The following ACOT12 variants were observed in gnomAD, a reference collection of about 807,000 sequenced individuals.
The protein encoded by ACOT12 is acyl-CoA thioesterase 12, also known as acetyl-coenzyme A thioesterase.
A neutral mutation model predicts 67.7 loss-of-function variants in ACOT12; 51 were observed. The ratio of observed to expected loss-of-function variants is 0.75; its 90% CI spans 0.60 to 0.95. The LOEUF is 0.95. ACOT12 is among the 40% of genes least tolerant of loss of function. ACOT12 has a pLI of 0.00. For synonymous variants in ACOT12, 251 were observed against 244.6 expected, an observed-to-expected ratio of 1.03 and a Z score of -0.24; for missense variants, 734 against 708.1, an observed-to-expected ratio of 1.04 and a Z score of -0.41.
At chr5:81,350,397 A>G (rs1246207079) in intron 5 of ACOT12, among the ~76,000 whole-genome samples, 2 of 152,112 alleles carry the variant, frequency 1.3e-5, no homozygotes, top group African/African-American at 4.8e-5. Flanking sequence ...ATTTCTTAAA[A>G]CATATTAAGC....
At chr5:81,321,543 A>T in the ACOT12 span, among the ~76,000 whole-genome samples, 25 of 152,208 alleles carry the variant, frequency 1.6e-4, no homozygotes, top group Non-Finnish European at 2.8e-4. Context: ...GAGATTGTTT[A>T]AAAAAACAAA....
intron 5 of ACOT12, among the ~76,000 whole-genome samples, chr5:81,348,827 G>A (rs1254604206): frequency 6.6e-6 from 1 of 152,246 alleles, no homozygotes; most frequent in Admixed American, 6.5e-5. Flanking sequence ...GCCTCCCAAA[G>A]TGCTGGGAAT....
the ACOT12 span, among the ~76,000 whole-genome samples, chr5:81,315,149 G>T: frequency 6.6e-6 from 1 of 152,182 alleles, no homozygotes; most frequent in East Asian, 1.9e-4. Context: ...GTTCCTACTG[G>T]GATGCTCCAC....
At chr5:81,352,847 T>G (rs1759594589) in intron 5 of ACOT12, among the ~76,000 whole-genome samples, 1 of 152,192 alleles carries the variant, frequency 6.6e-6, no homozygotes, top group Non-Finnish European at 1.5e-5. Flanking sequence ...ATGTATCCCA[T>G]AAATATATAC....
chr5:81,331,827 G>T lies in ACOT12; in HGVS notation c.1391+650C>A, dbSNP rs537089861. 2.6e-5 allele frequency among the ~76,000 whole-genome samples: 4 copies of T among 152,284 alleles called. No homozygotes were observed. The East Asian group carries it at 7.7e-4, about 29-fold the overall frequency. On this transcript the variant is annotated intron_variant, in intron 13 of 14. Transcript: ENST00000307624. ...CATTTAGCAATAAATCTTTGAAGGT[G>T]TTTCTCTATCAGTCCCACTATAGCT... is the stretch of plus-strand genomic sequence containing the variant.
intron 12 of ACOT12, among the ~76,000 whole-genome samples, chr5:81,333,774 G>A (rs1758905466): frequency 1.3e-5 from 2 of 152,306 alleles, no homozygotes; most frequent in Middle Eastern, 3.4e-3. Flanking sequence ...TGATACAGGA[G>A]GTGGGCAGGG....
chr5:81,374,398 A>G (rs762985143), intron 2 of ACOT12, among the ~76,000 whole-genome samples: 2 of 152,220 alleles, frequency 1.3e-5, no homozygotes, highest in Non-Finnish European at 2.9e-5. Flanking sequence ...CAGCGCAAAA[A>G]GGCTGAAAAT....
intron 3 of ACOT12, among the ~76,000 whole-genome samples, chr5:81,366,873 GAAGA>G (rs1390411427): frequency 1.3e-5 from 2 of 152,034 alleles, no homozygotes; most frequent in Non-Finnish European, 2.9e-5. Context: ...AAGACTGAAA[GAAGA>G]AAAACGAACA....
intron 3 of ACOT12, among the ~76,000 whole-genome samples, chr5:81,370,740 T>C (rs142283839): frequency 6.6e-6 from 1 of 152,304 alleles, no homozygotes; most frequent in African/African-American, 2.4e-5. Context: ...CGTGGGACAC[T>C]ACTTTTCTGT....
intron 3 of ACOT12, among the ~76,000 whole-genome samples, chr5:81,366,900 C>T (rs907402993): frequency 1.3e-5 from 2 of 151,974 alleles, no homozygotes; most frequent in African/African-American, 2.4e-5. Flanking sequence ...ATCAGTGACC[C>T]GTGGAACACT....
Position 81,347,867 on chromosome 5 carries a change from T to A in ACOT12, c.560A>T (p.Glu187Val). The stretch of plus-strand genomic sequence containing the variant: ...GTTTGCATGGGGTGGGAGGACCAGT[T>A]CAATGCTCTGAACGGAGGTGCCCCT... ...STRGTSVQSI[E>V]LVLPPHANHH... Residue 187 changes from glutamate (E) to valine (V), a missense_variant, in exon 6 of 15, where the codon GAA (glutamate) becomes GTA (valine). By Grantham distance (121) the Glu-to-Val change is moderately radical (BLOSUM62 -2). Coordinates refer to ENST00000307624, the MANE Select transcript of ACOT12 (RefSeq NM_130767.3). 6.2e-7 allele frequency: 1 copy of A among 1,614,168 alleles called. No homozygotes were observed. Among genetic ancestry groups the A allele is most frequent in the East Asian group, 2.2e-5 (1 of 44,874 alleles).
At chr5:81,359,679 A>G (rs763107569) in intron 5 of ACOT12, among the ~76,000 whole-genome samples, 31 of 151,972 alleles carry the variant, frequency 2.0e-4, no homozygotes, top group Non-Finnish European at 4.1e-4. Flanking sequence ...CTTTTTCCCC[A>G]TCTCCTTTCC....
intron 1 of ACOT12, among the ~76,000 whole-genome samples, chr5:81,388,001 T>G (rs1293251626): frequency 6.6e-6 from 1 of 152,228 alleles, no homozygotes; most frequent in Non-Finnish European, 1.5e-5. Context: ...TGACAGTTAC[T>G]TTTTATTAAG....
the ACOT12 span, among the ~76,000 whole-genome samples, chr5:81,318,493 A>AT: frequency 9.5e-6 from 1 of 104,828 alleles, no homozygotes; most frequent in Non-Finnish European, 2.3e-5. Flanking sequence ...TTTCAAGTTT[A>AT]TTTTCTCTTG....
intron 2 of ACOT12, among the ~76,000 whole-genome samples, chr5:81,381,068 C>CTTTTT (rs754165884): frequency 7.0e-6 from 1 of 142,318 alleles, no homozygotes; most frequent in South Asian, 2.3e-4. Flanking sequence ...GTATTAAAAC[C>CTTTTT]TTTTTTTTTT....
At chr5:81,351,550 T>C (rs1404524197) in intron 5 of ACOT12, among the ~76,000 whole-genome samples, 2 of 152,160 alleles carry the variant, frequency 1.3e-5, no homozygotes, top group Admixed American at 6.5e-5. Context: ...TGGATACTCA[T>C]ATGCAGAAGA....
chr5:81,375,109 C>G (rs960631254), intron 2 of ACOT12, among the ~76,000 whole-genome samples: 2 of 152,192 alleles, frequency 1.3e-5, no homozygotes, highest in Non-Finnish European at 2.9e-5. Context: ...AGGTTACCCA[C>G]AAAGGGAAGC....
In ACOT12 at chr5:81,359,919, T is replaced by A; in HGVS notation, c.480A>T (p.Glu160Asp). The A allele has an allele frequency of 6.2e-7, 1 of 1,606,926 alleles. No individual in the cohort carries two copies. The highest frequency in any genetic ancestry group is 8.5e-7 in the Non-Finnish European group (1 of 1,178,438). ...HEDTFNNLMK[E>D]SSKFDDLIFD... ...TTTACTGACCATCAAATTTGCTACTTTCCTTCATTAAATTGTTAAAGGTAT... is the reference window on the plus strand; with the variant it reads ...TTTACTGACCATCAAATTTGCTACTATCCTTCATTAAATTGTTAAAGGTAT... Residue 160 changes from glutamate (E) to aspartate (D), a missense_variant, in exon 5 of 15, where the codon GAA becomes GAT. Glu to Asp is a conservative substitution (Grantham distance 45). Coordinates refer to ENST00000307624, the MANE Select transcript of ACOT12 (RefSeq NM_130767.3).
Position 81,347,686 on chromosome 5 carries a change from T to C in ACOT12, c.653+88A>G. ...TTTCCTCAGTCCTTTCCTTGACTTC[T>C]TGACTATCCCAAGAACTGGATCTCA... On this transcript the variant is annotated intron_variant, in intron 6 of 14. Coordinates refer to ENST00000307624, the MANE Select transcript of ACOT12 (RefSeq NM_130767.3). The C allele has an allele frequency of 2.1e-6, 3 of 1,450,106 alleles. No individual in the cohort carries two copies. The South Asian group carries it at 4.2e-5, about 20-fold the overall frequency. 89.8% of individuals were successfully genotyped at this position (1,450,106 alleles called of 1,614,324 possible). A position where few individuals can be genotyped will look rare whatever the true frequency, so the allele number is the denominator to read the frequency against.
Sources: gnomAD v4.1 joint callset for allele counts (sites outside exome capture counted in the v4.1 genomes callset) on GRCh38, gnomAD v4.1.1 for gene constraint, MANE v1.5 for transcripts, NCBI Gene and HGNC (gene_info 2026-07-23, HGNC 2026-07-21) for gene names.